Variants in PPARGC1A observed in about 807,000 individuals in gnomAD.
PPARGC1A encodes the protein PPARG coactivator 1 alpha.
Under a neutral mutation model 88.7 loss-of-function variants are expected in PPARGC1A, and 25 were observed. That is an observed-to-expected ratio of 0.28 (90% CI 0.21 to 0.39). PPARGC1A has a LOEUF of 0.39. PPARGC1A is among the 10% of genes least tolerant of loss of function. The pLI, the probability that PPARGC1A is intolerant of heterozygous loss-of-function variation, is 1.00. For synonymous variants in PPARGC1A, 363 were observed against 355.6 expected (o/e 1.02, Z -0.24); for missense variants, 880 against 968.7 (o/e 0.91, Z 1.22).
At chr4:24,002,095 C>CAGAGAGAGAGAGAGAGAG in the PPARGC1A span, among the ~76,000 whole-genome samples, 14 of 116,932 alleles carry the variant, frequency 1.2e-4, no homozygotes, top group South Asian at 1.5e-3. Context: ...CACACACACA[C>CAGAGAGAGAGAGAGAGAG]ACAGAGAGAG....
chr4:24,023,886 T>C, the PPARGC1A span, among the ~76,000 whole-genome samples: 6 of 152,320 alleles, frequency 3.9e-5, no homozygotes, highest in South Asian at 4.1e-4. Flanking sequence ...TCCCTGATAA[T>C]TGATAGCTGA....
the PPARGC1A span, among the ~76,000 whole-genome samples, chr4:24,382,830 C>T: frequency 1.6e-4 from 25 of 152,306 alleles, no homozygotes; most frequent in Middle Eastern, 6.8e-3. Context: ...CTTAAACGTT[C>T]CTGCTGCTGG....
At chr4:24,297,582 C>G in the PPARGC1A span, among the ~76,000 whole-genome samples, 1 of 152,084 alleles carries the variant, frequency 6.6e-6, no homozygotes, top group Non-Finnish European at 1.5e-5. Context: ...GATTCATTAC[C>G]ATAAACTCAA....
chr4:24,047,615 C>A, the PPARGC1A span, among the ~76,000 whole-genome samples: 6 of 152,300 alleles, frequency 3.9e-5, no homozygotes, highest in African/African-American at 1.4e-4. Context: ...GGAACCCGGG[C>A]AGACAGACAC....
chr4:24,409,150 T>A, the PPARGC1A span, among the ~76,000 whole-genome samples: 16 of 152,204 alleles, frequency 1.1e-4, no homozygotes, highest in African/African-American at 3.9e-4. Context: ...TTTTTTAAGA[T>A]CTCTGGATTT....
chr4:24,011,339 A>T, the PPARGC1A span, among the ~76,000 whole-genome samples: 5 of 152,078 alleles, frequency 3.3e-5, no homozygotes, highest in African/African-American at 7.2e-5. Flanking sequence ...GACAGCCCCA[A>T]TTATGCATTT....
At chr4:24,161,211 A>G in the PPARGC1A span, among the ~76,000 whole-genome samples, 2 of 152,194 alleles carry the variant, frequency 1.3e-5, no homozygotes, top group East Asian at 1.9e-4. Context: ...GTAAATCTAA[A>G]ACACTCGAAT....
At chr4:24,063,751 T>A in the PPARGC1A span, among the ~76,000 whole-genome samples, 1 of 152,294 alleles carries the variant, frequency 6.6e-6, no homozygotes, top group South Asian at 2.1e-4. Flanking sequence ...CCCCTACTGC[T>A]AATGCATCTC....
the PPARGC1A span, among the ~76,000 whole-genome samples, chr4:23,986,643 T>C: frequency 2.0e-5 from 3 of 152,070 alleles, no homozygotes; most frequent in Admixed American, 6.6e-5. Context: ...TAACAGTTGG[T>C]AGCAGCCTCT....
the PPARGC1A span, among the ~76,000 whole-genome samples, chr4:23,987,296 G>A: frequency 6.6e-6 from 1 of 152,160 alleles, no homozygotes; most frequent in African/African-American, 2.4e-5. Context: ...AGCAAAAGGT[G>A]ATTTCTTTGT....
At chr4:24,357,516 A>G in the PPARGC1A span, among the ~76,000 whole-genome samples, 2 of 152,226 alleles carry the variant, frequency 1.3e-5, no homozygotes, top group African/African-American at 2.4e-5. Context: ...TTCACTTGCT[A>G]AAATAGTCTG....
intron 2 of PPARGC1A, among the ~76,000 whole-genome samples, chr4:23,853,784 A>C (rs1729728696): frequency 6.6e-6 from 1 of 152,206 alleles, no homozygotes; most frequent in Admixed American, 6.5e-5. Flanking sequence ...TTCCACATGC[A>C]AGTCAGCATG....
the PPARGC1A span, among the ~76,000 whole-genome samples, chr4:24,193,405 C>A: frequency 6.6e-6 from 1 of 152,292 alleles, no homozygotes; most frequent in Admixed American, 6.5e-5. Flanking sequence ...ACACATGACT[C>A]AAATCAACAT....
the PPARGC1A span, among the ~76,000 whole-genome samples, chr4:24,172,178 G>T: frequency 6.6e-6 from 1 of 152,182 alleles, no homozygotes; most frequent in African/African-American, 2.4e-5. Context: ...CAGTATCACA[G>T]CAGGTCACTG....
the PPARGC1A span, among the ~76,000 whole-genome samples, chr4:24,330,907 G>T: frequency 6.6e-6 from 1 of 152,012 alleles, no homozygotes; most frequent in African/African-American, 2.4e-5. Flanking sequence ...GCCTCTAAAA[G>T]GGTCCCCTTC....
At chr4:23,985,084 G>A in the PPARGC1A span, among the ~76,000 whole-genome samples, 10 of 152,234 alleles carry the variant, frequency 6.6e-5, no homozygotes, top group South Asian at 2.1e-3. Context: ...GTTCGTGAAA[G>A]TTTGGAGGAC....
the PPARGC1A span, among the ~76,000 whole-genome samples, chr4:24,327,125 C>CTT: frequency 1.3e-5 from 2 of 152,184 alleles, no homozygotes; most frequent in Non-Finnish European, 2.9e-5. Context: ...ACTTTTACCA[C>CTT]TTTCCCTTCT....
the PPARGC1A span, among the ~76,000 whole-genome samples, chr4:24,288,692 G>C: frequency 2.6e-5 from 4 of 152,192 alleles, no homozygotes; most frequent in East Asian, 7.7e-4. Context: ...AATATCACCA[G>C]CATTTTTCTA....
chr4:23,942,081 AAAAAG>A, the PPARGC1A span, among the ~76,000 whole-genome samples: 1 of 152,118 alleles, frequency 6.6e-6, no homozygotes, highest in Admixed American at 6.5e-5. Context: ...GTGGGAAAAA[AAAAAG>A]AAGAAAGAGA....
Sources: gnomAD v4.1 joint callset for allele counts (sites outside exome capture counted in the v4.1 genomes callset) on GRCh38, gnomAD v4.1.1 for gene constraint, MANE v1.5 for transcripts, NCBI Gene and HGNC (gene_info 2026-07-23, HGNC 2026-07-21) for gene names.